Variants in DMD observed in about 807,000 individuals in gnomAD.
DMD encodes the protein dystrophin, also known as mutant dystrophin.
Under a neutral mutation model 330.1 loss-of-function variants are expected in DMD, and 63 were observed. The ratio of observed to expected loss-of-function variants is 0.19; its 90% CI spans 0.16 to 0.24. The LOEUF is 0.24. Among genes scored for constraint, DMD ranks in the 10% least tolerant of loss-of-function variants. The pLI is 1.00. For synonymous variants in DMD, 1,223 were observed against 959.8 expected (o/e 1.27, Z -5.07); for missense variants, 3,344 against 2,684.1 (o/e 1.25, Z -5.43).
chrX:32,141,678 AACACAC>A (rs56858722), intron 44 of DMD, among the ~76,000 whole-genome samples: 31,167 of 87,814 alleles, frequency 0.35, 4,611 homozygotes, highest in Admixed American at 0.44. Context: ...TATAGAGTGC[AACACAC>A]ACACACACAC....
At chrX:32,976,500 A>G (rs2092556368) in intron 2 of DMD, among the ~76,000 whole-genome samples, 2 of 112,027 alleles carry the variant, frequency 1.8e-5, no homozygotes, top group South Asian at 7.4e-4. Context: ...CAAAGTCTTT[A>G]TATGCACTGC....
intron 7 of DMD, among the ~76,000 whole-genome samples, chrX:32,718,024 A>G (rs2065907408): frequency 9.0e-6 from 1 of 111,485 alleles, no homozygotes; most frequent in East Asian, 2.9e-4. Flanking sequence ...GGTTGAAGGG[A>G]CTTGCCTTAG....
At chrX:32,199,744 G>A (rs1205061986) in intron 44 of DMD, among the ~76,000 whole-genome samples, 1 of 107,291 alleles carries the variant, frequency 9.3e-6, no homozygotes, top group African/African-American at 3.4e-5. Context: ...CTCCTGAGTA[G>A]CTGGGACTAT....
intron 1 of DMD, among the ~76,000 whole-genome samples, chrX:33,197,418 C>A (rs1221316420): frequency 9.0e-6 from 1 of 111,128 alleles, no homozygotes; most frequent in East Asian, 2.8e-4. Context: ...ACCAGATAGA[C>A]AAGTATGCAC....
intron 62 of DMD, among the ~76,000 whole-genome samples, chrX:31,278,057 G>T (rs1227674948): frequency 9.1e-6 from 1 of 109,329 alleles, no homozygotes; most frequent in East Asian, 2.8e-4. Context: ...TTTGGTATGG[G>T]TAAGTAATGT....
At chrX:32,881,852 G>T (rs1029960450) in intron 2 of DMD, among the ~76,000 whole-genome samples, 2 of 111,277 alleles carry the variant, frequency 1.8e-5, no homozygotes, top group Admixed American at 1.9e-4. Context: ...TCTGCAAACC[G>T]TACTTCTGGC....
intron 9 of DMD, among the ~76,000 whole-genome samples, chrX:32,649,424 G>A (rs766189891): frequency 2.8e-5 from 3 of 108,986 alleles, no homozygotes; most frequent in South Asian, 8.0e-4. Context: ...CGCGGTGGCG[G>A]CGCCTGTAGT....
At position 32,216,900 on chromosome X, in the gene DMD, C is replaced by T; in HGVS notation, c.6438+16G>A. Reference sequence around the variant, plus strand: ...GAAGATAAATACAATTTCGAAAAAACAAATCAAAGACTTACCTTAAGATAC... The same window carrying T: ...GAAGATAAATACAATTTCGAAAAAATAAATCAAAGACTTACCTTAAGATAC... On this transcript the variant is annotated intron_variant, in intron 44 of 78. Transcript: ENST00000357033. 8.3e-7 allele frequency: 1 copy of T among 1,202,327 alleles called. No homozygotes were observed. The highest frequency in any genetic ancestry group is 1.1e-6 in the Non-Finnish European group (1 of 888,379).
At position 33,272,089 on chromosome X, in the gene DMD, G is replaced by C. The variant is rs369211352; in HGVS notation, c.7+67170C>G. The stretch of plus-strand genomic sequence containing the variant: ...AGTAGAGACAGGGTTTCACCATGTT[G>C]GCCAGGCTGGTCTCAAACTCCTGAC... On this transcript the variant is annotated intron_variant, in intron 1 of 17. Coordinates refer to the DMD transcript ENST00000288447. Among the ~76,000 whole-genome samples, 6 of 111,162 alleles carry C rather than the reference G, an allele frequency of 5.4e-5. No individual in the cohort carries two copies. In the East Asian group the frequency reaches 1.7e-3, roughly 32 times the overall value.
intron 43 of DMD, among the ~76,000 whole-genome samples, chrX:32,279,998 G>GTACCCTACATATATATATA (rs1310523278): frequency 1.6e-5 from 1 of 62,815 alleles, no homozygotes; most frequent in Non-Finnish European, 2.9e-5. Flanking sequence ...ATATATATAT[G>GTACCCTACATATATATATA]TACCCCACAT....
At chrX:32,308,383 CA>C (rs1234609085) in intron 42 of DMD, among the ~76,000 whole-genome samples, 2 of 110,937 alleles carry the variant, frequency 1.8e-5, no homozygotes, top group African/African-American at 6.5e-5. Context: ...ACAATTTATG[CA>C]CTGCTTTTCC....
intron 37 of DMD, among the ~76,000 whole-genome samples, chrX:32,351,228 A>C (rs2097780805): frequency 9.0e-6 from 1 of 110,986 alleles, no homozygotes; most frequent in Admixed American, 9.6e-5. Context: ...TCAAAATCCT[A>C]ATCATCCATT....
chrX:33,251,996 T>C (rs2052779400), intron 1 of DMD, among the ~76,000 whole-genome samples: 1 of 112,366 alleles, frequency 8.9e-6, no homozygotes, highest in Admixed American at 9.5e-5. Flanking sequence ...TTTATGTCAA[T>C]ACTTAAACTA....
chrX:31,439,499 A>G (rs1197749730), intron 60 of DMD, among the ~76,000 whole-genome samples: 1 of 76,115 alleles, frequency 1.3e-5, no homozygotes, highest in Admixed American at 1.4e-4. Context: ...GAAGCTTAGG[A>G]AACCTTTAAA....
At chrX:32,395,436 G>C (rs1321920159) in intron 30 of DMD, among the ~76,000 whole-genome samples, 1 of 25,932 alleles carries the variant, frequency 3.9e-5, no homozygotes. Flanking sequence ...GTGGGGGGAG[G>C]GGGGAGGGAT....
chrX:32,046,806 C>T (rs2096067483), intron 44 of DMD, among the ~76,000 whole-genome samples: 1 of 111,930 alleles, frequency 8.9e-6, no homozygotes, highest in South Asian at 3.7e-4. Flanking sequence ...TCTCCTCAGT[C>T]TGGAACTCAT....
At chrX:31,255,295 C>T (rs182324465) in intron 63 of DMD, among the ~76,000 whole-genome samples, 16 of 111,338 alleles carry the variant, frequency 1.4e-4, no homozygotes, top group Non-Finnish European at 1.7e-4. Context: ...GTTGTAAATG[C>T]TTTCTGGAGC....
At chrX:32,278,048 A>T (rs2097397419) in intron 43 of DMD, among the ~76,000 whole-genome samples, 1 of 111,516 alleles carries the variant, frequency 9.0e-6, no homozygotes, top group Admixed American at 9.6e-5. Context: ...AGGTAAACAA[A>T]ATTGACAAAT....
intron 1 of DMD, among the ~76,000 whole-genome samples, chrX:33,129,325 C>CTT (rs58505662): frequency 0.034 from 1,048 of 30,644 alleles, 298 homozygotes; most frequent in East Asian, 0.11. Context: ...TTAAGGTTTG[C>CTT]TTTTTTTTTT....
Sources: gnomAD v4.1 joint callset for allele counts (sites outside exome capture counted in the v4.1 genomes callset) on GRCh38, gnomAD v4.1.1 for gene constraint, MANE v1.5 for transcripts, NCBI Gene and HGNC (gene_info 2026-07-23, HGNC 2026-07-21) for gene names.